BPTF: variants seen among roughly 807,000 people sequenced by gnomAD.
The protein encoded by BPTF is bromodomain PHD finger transcription factor, also known as nucleosome-remodeling factor subunit BPTF.
BPTF carries 18 observed loss-of-function variants against 292.5 expected under a neutral mutation model. The ratio of observed to expected loss-of-function variants is 0.06; its 90% CI spans 0.04 to 0.09. The LOEUF (loss-of-function observed/expected upper bound fraction) is 0.09, where lower values mean the gene tolerates loss of function less well. Ranked by LOEUF, BPTF falls within the 10% of genes least tolerant of loss-of-function variation. The probability of loss-of-function intolerance (pLI) is 1.00; values close to 1 mark genes in which losing one functional copy is unlikely to be tolerated. For missense variants in BPTF, 2,726 were observed against 3,498.7 expected (o/e 0.78, Z 5.57); for synonymous variants, 1,225 against 1,251.9 (o/e 0.98, Z 0.45).
Position 67,959,659 on chromosome 17 carries a change from C to T in BPTF, c.8045C>T (p.Ala2682Val). The change falls in exon 24 of 28, where the codon GCC (alanine) becomes GTC (valine). Residue 2682 changes from alanine to valine, a missense_variant. Coordinates refer to ENST00000306378, the MANE Select transcript of BPTF (RefSeq NM_182641.4). Reference sequence around the variant, plus strand: ...ACACCAGCTCCTCCAGCCCCTCCAGCCCCTCCACCTTCACCTCCCCCTCCA... The same window carrying T: ...ACACCAGCTCCTCCAGCCCCTCCAGTCCCTCCACCTTCACCTCCCCCTCCA... ...PVTPAPPAPPAPPPSPPPPPA... is the reference protein window; with the variant it reads ...PVTPAPPAPPVPPPSPPPPPA... The T allele has an allele frequency of 6.2e-7, 1 of 1,610,670 alleles. No individual in the cohort carries two copies. Among genetic ancestry groups the T allele is most frequent in the Non-Finnish European group, 8.5e-7 (1 of 1,178,540 alleles).
chr17:67,945,243 C>A (rs1272879403), intron 20 of BPTF, among the ~76,000 whole-genome samples, 166 bp from the exon 21 acceptor site: 4 of 151,978 alleles, frequency 2.6e-5, no homozygotes, highest in Non-Finnish European at 1.5e-5. Context: ...CGGGGTCTCA[C>A]TATGTTGCTC....
chr17:67,979,918 T>TA (rs1290778446), intron 27 of BPTF, among the ~76,000 whole-genome samples: 5 of 151,718 alleles, frequency 3.3e-5, no homozygotes, highest in African/African-American at 1.2e-4. Context: ...TGCACGCTTA[T>TA]AAGTCTCAGC....
chr17:67,925,773 A>AT (rs932838853), intron 15 of BPTF, among the ~76,000 whole-genome samples: 6 of 151,954 alleles, frequency 3.9e-5, no homozygotes, highest in Non-Finnish European at 7.4e-5. Flanking sequence ...TTTATAAAAC[A>AT]TTTTTTCAAA....
intron 4 of BPTF, among the ~76,000 whole-genome samples, chr17:67,889,808 CA>C (rs925929708): frequency 6.6e-6 from 1 of 151,090 alleles, no homozygotes; most frequent in Non-Finnish European, 1.5e-5. Context: ...AACTCCATCT[CA>C]AAAAAAAGAA....
intron 1 of BPTF, among the ~76,000 whole-genome samples, chr17:67,835,341 A>G (rs2057040683): frequency 6.6e-6 from 1 of 152,244 alleles, no homozygotes. Context: ...GGCATTTCAT[A>G]TCATTGCAGA....
chr17:67,978,824 C>T (rs569108173), intron 27 of BPTF, among the ~76,000 whole-genome samples: 63 of 152,162 alleles, frequency 4.1e-4, no homozygotes, highest in African/African-American at 1.3e-3. Flanking sequence ...AGCCAAAGAA[C>T]GTCAGGGATA....
chr17:67,913,048 G>A lies in BPTF; in HGVS notation c.5164G>A (p.Val1722Ile). The A allele has an allele frequency of 6.2e-7, 1 of 1,614,138 alleles. No homozygotes were observed. The highest frequency in any genetic ancestry group is 8.5e-7 in the Non-Finnish European group (1 of 1,180,022). ...CAAGAGCAGCAAGAAGAGCATTTTT[G>A]TTTTGCCTAATGATGACTTAAAAAA... ...VTKSSKKSIF[V>I]LPNDDLKKLA... Residue 1722 changes from valine to isoleucine, a missense_variant, in exon 11 of 28, where the codon GTT (valine) becomes ATT (isoleucine). This residue lies in a region of BPTF where 24 missense variants were observed against 57.5 expected (regional missense o/e 0.42). Coordinates refer to ENST00000306378, the MANE Select transcript of BPTF (RefSeq NM_182641.4).
In BPTF at chr17:67,912,899, T is replaced by C. The variant is rs1480499365; in HGVS notation, c.5015T>C (p.Leu1672Pro). 2.7e-5 allele frequency: 44 copies of C among 1,614,096 alleles called. No homozygotes were observed. The highest frequency in any genetic ancestry group is 3.3e-5 in the Non-Finnish European group (39 of 1,180,042). ...TDSLTTTGGT[L>P]VTSMTVSKEY... ...TCCCTGACCACCACGGGAGGCACAC[T>C]GGTTACATCTATGACTGTGAGCAAA... The change falls in exon 11 of 28, where the codon CTG (leucine) becomes CCG (proline). Residue 1672 changes from leucine to proline, a missense_variant. Transcript: ENST00000306378.
chr17:67,912,505 G>T lies in BPTF; in HGVS notation c.4621G>T (p.Val1541Phe). Residue 1541 changes from valine (V) to phenylalanine (F), a missense_variant, in exon 11 of 28, where the codon GTT (valine) becomes TTT (phenylalanine). Around this residue, in one of 22 missense-constraint regions of BPTF, gnomAD observed 713 missense variants for 714.9 expected, o/e 1.00. Transcript: ENST00000306378. ...VEDMEIETSE[V>F]KKVTSSPITS... ...AGATATGGAAATAGAAACCTCAGAA[G>T]TTAAGAAAGTTACTTCATCACCTAT... 6.2e-7 allele frequency: 1 copy of T among 1,613,954 alleles called. No homozygotes were observed.
At chr17:67,891,716 A>G (rs1031607501) in intron 4 of BPTF, 128 bp from the exon 5 acceptor site, 11 of 553,498 alleles carry the variant, frequency 2.0e-5, no homozygotes, top group Admixed American at 4.2e-5. Flanking sequence ...TTGCCATTCA[A>G]GGGCCTTTTT....
intron 4 of BPTF, among the ~76,000 whole-genome samples, chr17:67,882,344 A>G (rs144402529): frequency 1.9e-4 from 29 of 152,264 alleles, no homozygotes. Flanking sequence ...GTTATGAAAG[A>G]CATATTTTTG....
At chr17:67,882,995 G>A (rs1397955846) in intron 4 of BPTF, among the ~76,000 whole-genome samples, 1 of 120,130 alleles carries the variant, frequency 8.3e-6, no homozygotes, top group African/African-American at 3.3e-5. Flanking sequence ...AGAGCCAGAC[G>A]TTGTCTAAAA....
At chr17:67,848,004 G>A (rs1598215093) in intron 1 of BPTF, among the ~76,000 whole-genome samples, 2 of 152,142 alleles carry the variant, frequency 1.3e-5, no homozygotes, top group Admixed American at 6.5e-5. Context: ...TATTAACTTC[G>A]GCTGGAAATG....
chr17:67,930,063 C>G (rs969737679), intron 17 of BPTF, among the ~76,000 whole-genome samples: 10 of 148,934 alleles, frequency 6.7e-5, no homozygotes, highest in African/African-American at 2.5e-4. Flanking sequence ...TTGCAGTGAG[C>G]TGAGATTGTG....
intron 1 of BPTF, among the ~76,000 whole-genome samples, chr17:67,852,442 A>G (rs1304501907): frequency 6.8e-6 from 1 of 146,440 alleles, no homozygotes; most frequent in African/African-American, 2.7e-5. Flanking sequence ...TATATACCTT[A>G]TCACTATCCC....
chr17:67,940,397 CA>C (rs2147815939), intron 18 of BPTF, 41 bp from the exon 19 acceptor site: 2 of 1,550,380 alleles, frequency 1.3e-6, no homozygotes, highest in East Asian at 4.5e-5. Flanking sequence ...AAAATAATGC[CA>C]AGGGTGTATA....
chr17:67,939,650 G>A (rs1468056007), intron 18 of BPTF, among the ~76,000 whole-genome samples: 4 of 152,156 alleles, frequency 2.6e-5, no homozygotes, highest in Non-Finnish European at 5.9e-5. Flanking sequence ...GGCCAAGGCG[G>A]GTGGATCACG....
rs558901157 is a variant in BPTF, at chr17:67,879,251, C to T, written c.1864+4231C>T. Among the ~76,000 whole-genome samples, 6 of 151,520 alleles carry T rather than the reference C, an allele frequency of 4.0e-5. No homozygotes were observed. The South Asian group carries it at 1.0e-3, about 26-fold the overall frequency. ...CTGCCTTCCTGTTTCAAGCGATTCT[C>T]CTGCCTCAGCCTCCCAAATAGCTGG... On this transcript the variant is annotated intron_variant, in intron 4 of 27. Coordinates refer to ENST00000306378, the MANE Select transcript of BPTF (RefSeq NM_182641.4).
At chr17:67,888,589 CAAAA>C (rs776548348) in intron 4 of BPTF, among the ~76,000 whole-genome samples, 11 of 63,564 alleles carry the variant, frequency 1.7e-4, no homozygotes, top group African/African-American at 5.3e-4. Flanking sequence ...GACTCCGTCT[CAAAA>C]AAAAAAAAAA....
Sources: gnomAD v4.1 joint callset for allele counts (sites outside exome capture counted in the v4.1 genomes callset) on GRCh38, gnomAD v4.1.1 for gene constraint, gnomAD v4.1.1 regional missense constraint, MANE v1.5 for transcripts, NCBI Gene and HGNC (gene_info 2026-07-23, HGNC 2026-07-21) for gene names.